Variants in KLF6 observed in about 807,000 individuals in gnomAD.
KLF6 encodes the protein Krueppel-like factor 6.
For missense variants in KLF6, 233 were observed against 359.8 expected (o/e 0.65, Z 2.85); for synonymous variants, 152 against 147.9 (o/e 1.03, Z -0.20).
Position 3,780,389 on chromosome 10 carries a change from G to A in KLF6, c.677-160C>T. 1 of 815,004 alleles carries A rather than the reference G, an allele frequency of 1.2e-6. No homozygotes were observed. The highest frequency in any genetic ancestry group is 2.1e-6 in the Non-Finnish European group (1 of 481,952). The allele number at this position is 815,004 out of a possible 1,614,324, so 50.5% of individuals were successfully genotyped here. On this transcript the variant is annotated intron_variant, in intron 2 of 3. Transcript: ENST00000497571. This position sits in a 1 kb window ranked among gnomAD's most constrained non-coding sequence, Gnocchi z 4.6. ...AACTGGCAGCCTCAGAGAGACAACA[G>A]CAGCTCTCTCCTGACCCAGTCTCAG...
Position 3,781,541 on chromosome 10 carries a change from T to A in KLF6, c.676+100A>T. 1 of 1,564,622 alleles carries A rather than the reference T, an allele frequency of 6.4e-7. No individual in the cohort carries two copies. The highest frequency in any genetic ancestry group is 1.2e-5 in the South Asian group (1 of 86,088). On this transcript the variant is annotated intron_variant, in intron 2 of 3. Coordinates refer to ENST00000497571, the MANE Select transcript of KLF6 (RefSeq NM_001300.6). This position sits in a 1 kb window ranked among gnomAD's most constrained non-coding sequence, Gnocchi z 5.8. ...TGAGGAAGTGAGGATTTGTCTGCCC[T>A]GACCACATCCTGTGCAGCCAGGCCC... is the stretch of plus-strand genomic sequence containing the variant.
In KLF6 at chr10:3,781,134, G is replaced by A. The variant is rs57966882; in HGVS notation, c.676+507C>T. 0.065 allele frequency: 14,963 copies of A among 230,030 alleles called. 604 individuals are homozygous for A. Among genetic ancestry groups the A allele is most frequent in the Admixed American group, 0.089 (1,701 of 19,104 alleles). The allele number at this position is 230,030 out of a possible 1,614,324, so 14.2% of individuals were successfully genotyped here. ...AAACAAAGGCTGCATGAGACACGGAGAAGTTCTCAGGAAACACTCGCTGAT... is the reference window on the plus strand; with the variant it reads ...AAACAAAGGCTGCATGAGACACGGAAAAGTTCTCAGGAAACACTCGCTGAT... On this transcript the variant is annotated intron_variant, in intron 2 of 3. Transcript: ENST00000497571. This position sits in a 1 kb window ranked among gnomAD's most constrained non-coding sequence, Gnocchi z 5.8.
rs966809874 is a variant in KLF6, at chr10:3,781,202, C to T, written c.676+439G>A. ...GAGCAGGCCGGTCCCACTCGGGCCT[C>T]GGGCCGTCAGCATCAAACCCACACA... On this transcript the variant is annotated intron_variant, in intron 2 of 3. Transcript: ENST00000497571. The surrounding 1 kb of genome is among the most constrained non-coding windows in gnomAD (Gnocchi z 5.8). The T allele has an allele frequency of 5.0e-6, 2 of 399,494 alleles. No individual in the cohort carries two copies. Among genetic ancestry groups the T allele is most frequent in the African/African-American group, 2.0e-5 (1 of 49,036 alleles). The allele number at this position is 399,494 out of a possible 1,614,324, so 24.7% of individuals were successfully genotyped here.
chr10:3,784,860 C>G, intron 1 of KLF6, 53 bp downstream of exon 1: 22 of 1,552,068 alleles, frequency 1.4e-5, no homozygotes, highest in Non-Finnish European at 1.9e-5. Flanking sequence ...CCCAAACAGC[C>G]GACCCGGCCC....
In KLF6 at chr10:3,777,130, A is replaced by G. The variant is rs754462960; in HGVS notation, c.*2409T>C. The G allele has an allele frequency of 1.2e-4, 51 of 422,596 alleles. 1 individual carries two copies. Among genetic ancestry groups the G allele is most frequent in the African/African-American group, 1.0e-3 (46 of 44,650 alleles). 26.2% of individuals were successfully genotyped at this position (422,596 alleles called of 1,614,324 possible). On this transcript the variant is annotated 3_prime_UTR_variant, in exon 4 of 4. Transcript: ENST00000497571. Reference sequence around the variant, plus strand: ...GGTAAATGTATTCATCAGCCCAGATAAAAAAAAAACCAGTTATGTGAGCGT... The same window carrying G: ...GGTAAATGTATTCATCAGCCCAGATGAAAAAAAAACCAGTTATGTGAGCGT...
rs1229143526 is a variant in KLF6 at position 3,779,416 on chromosome 10, G to A, written c.*123C>T. 3.6e-6 allele frequency: 3 copies of A among 830,020 alleles called. No individual in the cohort carries two copies. The highest frequency in any genetic ancestry group is 1.9e-5 in the Admixed American group (1 of 51,394). 51.4% of individuals were successfully genotyped at this position (830,020 alleles called of 1,614,324 possible). ...CCCTCAAAAGACCTTCCAAGGAGAG[G>A]CCCTGGAGGCAACTGGGTAGGGTGC... On this transcript the variant is annotated 3_prime_UTR_variant, in exon 4 of 4. Transcript: ENST00000497571.
chr10:3,782,286 A>T lies in KLF6; in HGVS notation c.103-72T>A, dbSNP rs1832547481. ...AAAGTAAAAGCAAAAGCAATTTCCA[A>T]AAACATGCAAGAATGAAGGACAGAT... On this transcript the variant is annotated intron_variant, in intron 1 of 3. Coordinates refer to ENST00000497571, the MANE Select transcript of KLF6 (RefSeq NM_001300.6). The surrounding 1 kb of genome is among the most constrained non-coding windows in gnomAD (Gnocchi z 4.3). The T allele has an allele frequency of 7.9e-7, 1 of 1,267,984 alleles. No homozygotes were observed. Among genetic ancestry groups the T allele is most frequent in the Non-Finnish European group, 1.1e-6 (1 of 884,024 alleles). The allele number at this position is 1,267,984 out of a possible 1,614,324, so 78.5% of individuals were successfully genotyped here.
Position 3,781,511 on chromosome 10 carries a change from A to C in KLF6, c.676+130T>G, listed in dbSNP as rs781672095. ...AAAAGACCTAATGCTTTGGTGGAAA[A>C]CATCTGAGGAAGTGAGGATTTGTCT... On this transcript the variant is annotated intron_variant, in intron 2 of 3. Transcript: ENST00000497571. This position sits in a 1 kb window ranked among gnomAD's most constrained non-coding sequence, Gnocchi z 5.8. The C allele has an allele frequency of 6.4e-7, 1 of 1,553,068 alleles. No homozygotes were observed. The highest frequency in any genetic ancestry group is 8.7e-7 in the Non-Finnish European group (1 of 1,148,056).
chr10:3,780,461 T>C lies in KLF6; in HGVS notation c.677-232A>G, dbSNP rs1832492356. The C allele has an allele frequency of 6.7e-6, 4 of 593,678 alleles. No individual in the cohort carries two copies. The Admixed American group carries it at 8.0e-5, about 12-fold the overall frequency. 36.8% of individuals were successfully genotyped at this position (593,678 alleles called of 1,614,324 possible). On this transcript the variant is annotated intron_variant, in intron 2 of 3. Coordinates refer to ENST00000497571, the MANE Select transcript of KLF6 (RefSeq NM_001300.6). This position sits in a 1 kb window ranked among gnomAD's most constrained non-coding sequence, Gnocchi z 4.6. Reference sequence around the variant, plus strand: ...GACACAGCTTCAGCCAAGCCCATGGTGCTGTCATCAAAGTTAACGTGGAAG... The same window carrying C: ...GACACAGCTTCAGCCAAGCCCATGGCGCTGTCATCAAAGTTAACGTGGAAG...
rs1281246169 is a variant in KLF6, at chr10:3,778,262, C to T, written c.*1277G>A. ...GCATCGCCCACACCCCTGTATGAGA[C>T]CCCCACAGAAGGGATCGCTTGCGTA... On this transcript the variant is annotated 3_prime_UTR_variant, in exon 4 of 4. Transcript: ENST00000497571. The T allele has an allele frequency of 3.8e-6, 2 of 527,306 alleles. No homozygotes were observed. The highest frequency in any genetic ancestry group is 7.4e-6 in the Non-Finnish European group (2 of 272,028). The allele number at this position is 527,306 out of a possible 1,614,324, so 32.7% of individuals were successfully genotyped here. A position where few individuals can be genotyped will look rare whatever the true frequency, so the allele number is the denominator to read the frequency against.
chr10:3,781,285 A>G lies in KLF6; in HGVS notation c.676+356T>C. The G allele has an allele frequency of 1.3e-6, 1 of 772,106 alleles. No homozygotes were observed. 47.8% of individuals were successfully genotyped at this position (772,106 alleles called of 1,614,324 possible). On this transcript the variant is annotated intron_variant, in intron 2 of 3. Coordinates refer to ENST00000497571, the MANE Select transcript of KLF6 (RefSeq NM_001300.6). The surrounding 1 kb of genome is among the most constrained non-coding windows in gnomAD (Gnocchi z 5.8). ...CCTTGAGTTTCATTTAGGAAACCCC[A>G]GGGCCGCTCGAGGTAGCCTCGTGCG...
Position 3,785,152 on chromosome 10 carries a change from T to TCCCGCAG in KLF6, c.-145_-139dup, listed in dbSNP as rs1346665188. 14 of 1,511,566 alleles carry TCCCGCAG rather than the reference T, an allele frequency of 9.3e-6. No homozygotes were observed. Among genetic ancestry groups the TCCCGCAG allele is most frequent in the Non-Finnish European group, 1.2e-5 (13 of 1,122,016 alleles). The allele number at this position is 1,511,566 out of a possible 1,614,324, so 93.6% of individuals were successfully genotyped here. ...CTCGCAGAGACGCCCGGCCGGACCC[T>TCCCGCAG]CCCGCAGCCCGCAGCGCGCGGAGCC... On this transcript the variant is annotated 5_prime_UTR_variant, in exon 1 of 4. Coordinates refer to ENST00000497571, the MANE Select transcript of KLF6 (RefSeq NM_001300.6).
Position 3,778,737 on chromosome 10 carries a change from G to A in KLF6, c.*802C>T, listed in dbSNP as rs1832452295. 2 of 529,464 alleles carry A rather than the reference G, an allele frequency of 3.8e-6. No homozygotes were observed. The highest frequency in any genetic ancestry group is 3.1e-5 in the South Asian group (2 of 65,122). 32.8% of individuals were successfully genotyped at this position (529,464 alleles called of 1,614,324 possible). A position where few individuals can be genotyped will look rare whatever the true frequency, so the allele number is the denominator to read the frequency against. Reference sequence around the variant, plus strand: ...AGTATTGCAGTCCTGACTTAAAAATGGAAAAGCATATAGTTCCCCAGACCA... The same window carrying A: ...AGTATTGCAGTCCTGACTTAAAAATAGAAAAGCATATAGTTCCCCAGACCA... On this transcript the variant is annotated 3_prime_UTR_variant, in exon 4 of 4. Transcript: ENST00000497571.
In KLF6 at chr10:3,776,381, T is replaced by A. The variant is rs779865258; in HGVS notation, c.*3158A>T. ...GAGGGCAATGTCAGGCTCGCTGACATCCTCTCCAGCTCCCAGGACAGGCTG... is the reference window on the plus strand; with the variant it reads ...GAGGGCAATGTCAGGCTCGCTGACAACCTCTCCAGCTCCCAGGACAGGCTG... On this transcript the variant is annotated 3_prime_UTR_variant, in exon 4 of 4. Coordinates refer to ENST00000497571, the MANE Select transcript of KLF6 (RefSeq NM_001300.6). 1.3e-5 allele frequency: 7 copies of A among 531,836 alleles called. No homozygotes were observed. Among genetic ancestry groups the A allele is most frequent in the Non-Finnish European group, 2.5e-5 (7 of 274,910 alleles). The allele number at this position is 531,836 out of a possible 1,614,324, so 32.9% of individuals were successfully genotyped here. A position where few individuals can be genotyped will look rare whatever the true frequency, so the allele number is the denominator to read the frequency against.
In KLF6 at chr10:3,778,259, AGAC is replaced by A; in HGVS notation, c.*1277_*1279del. The A allele has an allele frequency of 1.9e-6, 1 of 527,196 alleles. No homozygotes were observed. The highest frequency in any genetic ancestry group is 1.5e-5 in the South Asian group (1 of 65,104). The allele number at this position is 527,196 out of a possible 1,614,324, so 32.7% of individuals were successfully genotyped here. ...CATGCATCGCCCACACCCCTGTATG[AGAC>A]CCCCACAGAAGGGATCGCTTGCGTA... On this transcript the variant is annotated 3_prime_UTR_variant, in exon 4 of 4. Coordinates refer to ENST00000497571, the MANE Select transcript of KLF6 (RefSeq NM_001300.6).
intron 1 of KLF6, 40 bp downstream of exon 1, chr10:3,784,873 G>A: frequency 6.3e-7 from 1 of 1,576,580 alleles, no homozygotes; most frequent in Non-Finnish European, 8.6e-7. Context: ...CCCGGCCCGC[G>A]CCCCGGCGCC....
At position 3,781,728 on chromosome 10, in the gene KLF6, T is replaced by G. The variant is rs1832525484; in HGVS notation, c.589A>C (p.Arg197=). ...TTAAAGTGGCACCGGTGCACCCTCC[T>G]CCTGCCGTCGGGGGAGGCATCGCCA... is the stretch of plus-strand genomic sequence containing the variant. ...GNGDASPDGR[R]RVHRCHFNGC... The change falls in exon 2 of 4, where the codon AGG becomes CGG. Residue 197 remains arginine, a synonymous_variant. Coordinates refer to ENST00000497571, the MANE Select transcript of KLF6 (RefSeq NM_001300.6). This position sits in a 1 kb window ranked among gnomAD's most constrained non-coding sequence, Gnocchi z 5.8. 1 of 1,614,074 alleles carries G rather than the reference T, an allele frequency of 6.2e-7. No homozygotes were observed. The highest frequency in any genetic ancestry group is 1.1e-5 in the South Asian group (1 of 91,090).
chr10:3,783,692 G>T (rs538496821), intron 1 of KLF6, among the ~76,000 whole-genome samples: 9 of 152,196 alleles, frequency 5.9e-5, no homozygotes, highest in Non-Finnish European at 1.2e-4. Flanking sequence ...AAAGAAAAAA[G>T]AAAAGCACAT....
chr10:3,779,019 CTTTTTTTGTTTTTG>C lies in KLF6; in HGVS notation c.*506_*519del, dbSNP rs1832458999. The C allele has an allele frequency of 1.9e-6, 1 of 529,738 alleles. No homozygotes were observed. Among genetic ancestry groups the C allele is most frequent in the Non-Finnish European group, 3.6e-6 (1 of 275,072 alleles). The allele number at this position is 529,738 out of a possible 1,614,324, so 32.8% of individuals were successfully genotyped here. A position where few individuals can be genotyped will look rare whatever the true frequency, so the allele number is the denominator to read the frequency against. On this transcript the variant is annotated 3_prime_UTR_variant, in exon 4 of 4. Coordinates refer to ENST00000497571, the MANE Select transcript of KLF6 (RefSeq NM_001300.6). Reference sequence around the variant, plus strand: ...ACGCCCACCCTCCAAGATTTTCCTTCTTTTTTTGTTTTTGTTTTTTTGTTTTTTTGATTTTTCTT... The same window carrying C: ...ACGCCCACCCTCCAAGATTTTCCTTCTTTTTTTGTTTTTTTGATTTTTCTT...
Sources: allele counts gnomAD v4.1 joint callset (sites outside exome capture counted in the v4.1 genomes callset), GRCh38; gene constraint gnomAD v4.1.1; non-coding constraint Gnocchi (gnomAD v3.1); transcripts MANE v1.5; gene names NCBI Gene and HGNC (gene_info 2026-07-23, HGNC 2026-07-21).